DKK2: variants seen among roughly 807,000 people sequenced by gnomAD.
The protein encoded by DKK2 is dickkopf Wnt signaling pathway inhibitor 2.
A neutral mutation model predicts 28.1 loss-of-function variants in DKK2; 11 were observed. The ratio of observed to expected loss-of-function variants is 0.39; its 90% CI spans 0.25 to 0.65. DKK2 has a LOEUF of 0.65. Ranked by LOEUF, DKK2 falls within the 30% of genes least tolerant of loss-of-function variation. DKK2 has a pLI of 0.47. For synonymous variants in DKK2, 135 were observed against 126.5 expected, an observed-to-expected ratio of 1.07 and a Z score of -0.45; for missense variants, 326 against 335.5, an observed-to-expected ratio of 0.97 and a Z score of 0.22.
At chr4:106,976,050 T>C (rs1722940768) in intron 1 of DKK2, among the ~76,000 whole-genome samples, 1 of 152,202 alleles carries the variant, frequency 6.6e-6, no homozygotes, top group Non-Finnish European at 1.5e-5. Flanking sequence ...TTGTGCGGTT[T>C]TGAGTGAGTT....
chr4:106,924,301 T>C (rs1253679400), intron 3 of DKK2, 97 bp from the exon 4 acceptor site: 1 of 1,459,078 alleles, frequency 6.9e-7, no homozygotes, highest in East Asian at 2.4e-5. Flanking sequence ...TTACTTATAC[T>C]ATCTTCTATG....
chr4:107,032,627 G>A (rs1240587814), intron 1 of DKK2, among the ~76,000 whole-genome samples: 3 of 152,100 alleles, frequency 2.0e-5, no homozygotes, highest in African/African-American at 7.2e-5. Context: ...CAAGGACTGA[G>A]TTTCCAATCT....
At chr4:107,027,173 A>C (rs897809231) in intron 1 of DKK2, among the ~76,000 whole-genome samples, 2 of 152,192 alleles carry the variant, frequency 1.3e-5, no homozygotes, top group African/African-American at 4.8e-5. Context: ...GAAGACTAAC[A>C]CAATACCTGT....
chr4:106,970,595 A>G (rs1296527328), intron 1 of DKK2, among the ~76,000 whole-genome samples: 1 of 152,042 alleles, frequency 6.6e-6, no homozygotes, highest in Non-Finnish European at 1.5e-5. Flanking sequence ...GAACCTCTCA[A>G]ATGATTGACT....
At chr4:106,930,700 A>G (rs1466008794) in intron 1 of DKK2, among the ~76,000 whole-genome samples, 5 of 152,150 alleles carry the variant, frequency 3.3e-5, no homozygotes, top group Non-Finnish European at 7.3e-5. Context: ...TGTTTGTAAC[A>G]ATCTCGGAAG....
rs148355721 is a variant in DKK2, at chr4:106,934,058, TACAC to T, written c.223-8113_223-8110del. ...ATATATACATCTGCATACACACAGA[TACAC>T]ACACACACACACACACACACACACA... is the stretch of plus-strand genomic sequence containing the variant. On this transcript the variant is annotated intron_variant, in intron 1 of 3. Transcript: ENST00000285311. Among the ~76,000 whole-genome samples the T allele has an allele frequency of 2.2e-3, 312 of 140,716 alleles. 1 individual carries two copies. The highest frequency in any genetic ancestry group is 4.8e-3 in the South Asian group (21 of 4,334). 92.3% of individuals were successfully genotyped at this position (140,716 alleles called of 152,430 possible).
chr4:107,003,774 C>T (rs773251164), intron 1 of DKK2, among the ~76,000 whole-genome samples: 1 of 152,202 alleles, frequency 6.6e-6, no homozygotes, highest in Non-Finnish European at 1.5e-5. Flanking sequence ...CATCACATCA[C>T]ATAGGACCTT....
chr4:106,961,598 C>CACACACACACACACACACACACAG (rs1560580820), intron 1 of DKK2, among the ~76,000 whole-genome samples: 5 of 151,128 alleles, frequency 3.3e-5, no homozygotes, highest in African/African-American at 4.9e-5. Flanking sequence ...CACACACACA[C>CACACACACACACACACACACACAG]AGTCTGGTAA....
At chr4:106,995,038 T>G (rs774497438) in intron 1 of DKK2, among the ~76,000 whole-genome samples, 15 of 152,196 alleles carry the variant, frequency 9.9e-5, no homozygotes, top group Non-Finnish European at 1.9e-4. Flanking sequence ...TTAACAGTAT[T>G]AACCACATAT....
At chr4:106,979,695 G>T (rs1431720979) in intron 1 of DKK2, among the ~76,000 whole-genome samples, 1 of 152,182 alleles carries the variant, frequency 6.6e-6, no homozygotes, top group African/African-American at 2.4e-5. Context: ...ATGAGGGCTT[G>T]CACGTGTTCA....
intron 1 of DKK2, among the ~76,000 whole-genome samples, chr4:106,953,982 G>C (rs1722541614): frequency 1.3e-5 from 2 of 152,044 alleles, no homozygotes; most frequent in South Asian, 4.2e-4. Context: ...CAAATTACTG[G>C]ACAACCCTCA....
chr4:106,972,229 T>A (rs1303425560), intron 1 of DKK2, among the ~76,000 whole-genome samples: 1 of 152,034 alleles, frequency 6.6e-6, no homozygotes, highest in African/African-American at 2.4e-5. Flanking sequence ...CCCACATTTT[T>A]ACACTGATGA....
At chr4:107,023,262 C>T (rs1182253719) in intron 1 of DKK2, among the ~76,000 whole-genome samples, 1 of 151,982 alleles carries the variant, frequency 6.6e-6, no homozygotes, top group East Asian at 1.9e-4. Context: ...ACACTCAGAG[C>T]TGGATAAAAT....
intron 1 of DKK2, among the ~76,000 whole-genome samples, chr4:106,965,738 CT>C (rs1269824247): frequency 1.7e-5 from 2 of 117,960 alleles, no homozygotes; most frequent in African/African-American, 6.4e-5. Flanking sequence ...AATGCTATCC[CT>C]CCCCCCTCCC....
chr4:107,027,391 G>A (rs1357346819), intron 1 of DKK2, among the ~76,000 whole-genome samples: 2 of 150,868 alleles, frequency 1.3e-5, no homozygotes, highest in African/African-American at 2.4e-5. Context: ...TCCATGAAAT[G>A]TGTTTCACTC....
chr4:106,961,530 T>C (rs1334418409), intron 1 of DKK2, among the ~76,000 whole-genome samples: 5 of 150,094 alleles, frequency 3.3e-5, no homozygotes, highest in African/African-American at 1.2e-4. Flanking sequence ...TTAGAAAACA[T>C]TTCAAACTCT....
intron 1 of DKK2, among the ~76,000 whole-genome samples, chr4:106,953,612 C>T (rs1198671701): frequency 1.3e-5 from 2 of 152,088 alleles, no homozygotes; most frequent in East Asian, 3.9e-4. Flanking sequence ...CCTACTCTTT[C>T]CACCCATCAC....
chr4:106,999,851 G>T (rs1049252044), intron 1 of DKK2, among the ~76,000 whole-genome samples: 1 of 151,912 alleles, frequency 6.6e-6, no homozygotes, highest in Non-Finnish European at 1.5e-5. Flanking sequence ...AGTATAAATG[G>T]AGCATTTTAA....
At chr4:106,956,833 T>C (rs1242421690) in intron 1 of DKK2, among the ~76,000 whole-genome samples, 3 of 151,072 alleles carry the variant, frequency 2.0e-5, no homozygotes, top group African/African-American at 7.3e-5. Context: ...ATTCAGGACA[T>C]AGGCATGGGC....
Sources: gnomAD v4.1 joint callset for allele counts (sites outside exome capture counted in the v4.1 genomes callset) on GRCh38, gnomAD v4.1.1 for gene constraint, MANE v1.5 for transcripts, NCBI Gene and HGNC (gene_info 2026-07-23, HGNC 2026-07-21) for gene names.